The following VDAC2 variants were observed in gnomAD, a reference collection of about 807,000 sequenced individuals.
VDAC2 encodes the protein voltage dependent anion channel 2, also known as non-selective voltage-gated ion channel VDAC2.
A neutral mutation model predicts 36.6 loss-of-function variants in VDAC2; 6 were observed. The observed-to-expected ratio is 0.16, with a 90% CI of 0.09 to 0.32. The LOEUF (loss-of-function observed/expected upper bound fraction) is 0.32, where lower values mean the gene tolerates loss of function less well. Ranked by LOEUF, VDAC2 falls within the 10% of genes least tolerant of loss-of-function variation. The pLI, the probability that VDAC2 is intolerant of heterozygous loss-of-function variation, is 1.00. For missense variants in VDAC2, 247 were observed against 346.0 expected (o/e 0.71, Z 2.27); for synonymous variants, 109 against 123.8 (o/e 0.88, Z 0.79).
intron 2 of VDAC2, chr10:75,211,733 C>T: frequency 1.3e-6 from 2 of 1,515,016 alleles, no homozygotes; most frequent in Non-Finnish European, 1.8e-6. Context: ...GTATTTTTTC[C>T]AAGTTTCAAT....
Position 75,219,353 on chromosome 10 carries a change from CAG to C in VDAC2, c.354_355del (p.Gly119LysfsTer5). 6.3e-7 allele frequency: 1 copy of C among 1,596,822 alleles called. No individual in the cohort carries two copies. The highest frequency in any genetic ancestry group is 8.5e-7 in the Non-Finnish European group (1 of 1,171,072). On this transcript the variant is annotated frameshift_variant and splice_region_variant, in exon 6 of 10. Coordinates refer to ENST00000332211, the MANE Select transcript of VDAC2 (RefSeq NM_001391963.1). LOFTEE classifies it high-confidence loss of function. Reference sequence around the variant, plus strand: ...TTTGATACTACCTTCTCACCAAACACAGGGTAAGCACAGACATTTTTATCTGT... The same window carrying C: ...TTTGATACTACCTTCTCACCAAACACGGTAAGCACAGACATTTTTATCTGT...
In VDAC2 at chr10:75,219,089, T is replaced by A. The variant is rs984409912; in HGVS notation, c.177T>A (p.Asn59Lys). Residue 59 changes from asparagine (N) to lysine (K), a missense_variant, in exon 5 of 10, where the codon AAT becomes AAA. Transcript: ENST00000332211. ...GVEFSTSGSSNTDTGKVTGTL... is the reference protein window; with the variant it reads ...GVEFSTSGSSKTDTGKVTGTL... ...AATTTTCAACGTCCGGTTCATCTAA[T>A]ACAGACACTGGTAAAGTTACTGGGA... The A allele has an allele frequency of 6.2e-7, 1 of 1,610,466 alleles. No individual in the cohort carries two copies. Among genetic ancestry groups the A allele is most frequent in the African/African-American group, 1.3e-5 (1 of 74,756 alleles).
At chr10:75,224,472 A>G (rs1198757581) in intron 8 of VDAC2, among the ~76,000 whole-genome samples, 1 of 151,700 alleles carries the variant, frequency 6.6e-6, no homozygotes, top group Non-Finnish European at 1.5e-5. Flanking sequence ...GGAACTTTTG[A>G]CTCCTGGGTG....
chr10:75,228,704 G>A (rs568175669), intron 8 of VDAC2, among the ~76,000 whole-genome samples: 1 of 152,340 alleles, frequency 6.6e-6, no homozygotes, highest in South Asian at 2.1e-4. Context: ...CATTATAAGA[G>A]TATAGACATC....
Position 75,210,952 on chromosome 10 carries a change from C to G in VDAC2, c.-26+14C>G, listed in dbSNP as rs567894799. On this transcript the variant is annotated intron_variant, in intron 1 of 9. Coordinates refer to ENST00000332211, the MANE Select transcript of VDAC2 (RefSeq NM_001391963.1). ...GGACACCACCAGGTACCGCCGCGCC[C>G]GCCTCACGCCGACCCAGGGGCCTAG... is the stretch of plus-strand genomic sequence containing the variant. 6.5e-6 allele frequency: 3 copies of G among 461,894 alleles called. No homozygotes were observed. The East Asian group carries it at 1.1e-4, about 17-fold the overall frequency. The allele number at this position is 461,894 out of a possible 1,614,324, so 28.6% of individuals were successfully genotyped here.
chr10:75,226,451 GT>G (rs147954706), intron 8 of VDAC2, among the ~76,000 whole-genome samples: 26,581 of 100,828 alleles, frequency 0.26, 3,442 homozygotes, highest in East Asian at 0.54. Flanking sequence ...TCTTTTGTGG[GT>G]TTTTTTTTTT....
chr10:75,211,008 G>A (rs1841396347), intron 1 of VDAC2, 70 bp downstream of exon 1: 2 of 883,380 alleles, frequency 2.3e-6, no homozygotes, highest in Non-Finnish European at 1.6e-6. Flanking sequence ...GGCCCGCGCC[G>A]GACTCGGAGT....
At chr10:75,213,967 G>T in intron 3 of VDAC2, 54 bp from the exon 4 acceptor site, 1 of 1,564,970 alleles carries the variant, frequency 6.4e-7, no homozygotes, top group South Asian at 1.1e-5. Context: ...CAATTGCTAT[G>T]CATCTTTCAT....
At chr10:75,219,784 C>CTT (rs568009672) in intron 6 of VDAC2, among the ~76,000 whole-genome samples, 29 of 138,884 alleles carry the variant, frequency 2.1e-4, no homozygotes, top group African/African-American at 3.1e-4. Flanking sequence ...CACGCCCAGC[C>CTT]TTTTTTTTTT....
At chr10:75,215,076 A>G (rs752258477) in intron 4 of VDAC2, among the ~76,000 whole-genome samples, 6 of 151,420 alleles carry the variant, frequency 4.0e-5, no homozygotes, top group Non-Finnish European at 8.8e-5. Flanking sequence ...ATCATGCCTG[A>G]GTATTTTTTG....
chr10:75,211,671 G>A, intron 2 of VDAC2: 1 of 1,550,526 alleles, frequency 6.4e-7, no homozygotes, highest in Non-Finnish European at 8.7e-7. Flanking sequence ...TAAGTTTGAA[G>A]CGCTATTTGA....
intron 5 of VDAC2, 32 bp from the exon 6 acceptor site, chr10:75,219,272 A>G: frequency 6.4e-7 from 1 of 1,569,444 alleles, no homozygotes; most frequent in Non-Finnish European, 8.6e-7. Flanking sequence ...TATTTCAAAA[A>G]AAGAAAACAA....
intron 8 of VDAC2, among the ~76,000 whole-genome samples, chr10:75,229,108 G>A (rs1473464857): frequency 3.9e-5 from 6 of 151,990 alleles, no homozygotes; most frequent in African/African-American, 1.2e-4. Flanking sequence ...AAGAATGTGA[G>A]GATAAAGGAT....
chr10:75,229,685 TCA>T lies in VDAC2; in HGVS notation c.778_779del (p.Gln260AspfsTer20). The T allele has an allele frequency of 6.2e-7, 1 of 1,605,250 alleles. No individual in the cohort carries two copies. Among genetic ancestry groups the T allele is most frequent in the Non-Finnish European group, 8.5e-7 (1 of 1,177,454 alleles). On this transcript the variant is annotated frameshift_variant, in exon 9 of 10. Transcript: ENST00000332211. LOFTEE classifies it high-confidence loss of function. ...NSSLIGVGYTQTLRPGVKLTL... is the reference protein window; with the variant it reads ...NSSLIGVGYTXTLRPGVKLTL... ...CTAGCTTAATTGGAGTAGGCTATAC[TCA>T]GACTCTGAGGCCTGGTAAGTATTCT...
intron 8 of VDAC2, among the ~76,000 whole-genome samples, chr10:75,226,451 GTTTTT>G (rs147954706): frequency 5.0e-5 from 5 of 100,892 alleles, no homozygotes; most frequent in African/African-American, 7.9e-5. Context: ...TCTTTTGTGG[GTTTTT>G]TTTTTTTTTT....
chr10:75,227,567 A>T (rs944146558), intron 8 of VDAC2, among the ~76,000 whole-genome samples: 3 of 142,688 alleles, frequency 2.1e-5, no homozygotes, highest in African/African-American at 8.5e-5. Context: ...CTTACTGTTA[A>T]ATAATAGGAA....
intron 4 of VDAC2, among the ~76,000 whole-genome samples, chr10:75,214,877 C>A (rs1034088693): frequency 1.3e-5 from 2 of 151,744 alleles, no homozygotes; most frequent in African/African-American, 4.8e-5. Context: ...CTTGATAGTT[C>A]AATGAACTGT....
chr10:75,227,096 T>C (rs1194483030), intron 8 of VDAC2, among the ~76,000 whole-genome samples: 1 of 152,210 alleles, frequency 6.6e-6, no homozygotes, highest in Non-Finnish European at 1.5e-5. Context: ...GCTCCTGTGC[T>C]TGGGACCCTT....
chr10:75,215,857 G>T (rs1163332446), intron 4 of VDAC2, among the ~76,000 whole-genome samples: 1 of 152,088 alleles, frequency 6.6e-6, no homozygotes. Context: ...AAGTAGCTGG[G>T]ATTACAGGTG....
Sources: gnomAD v4.1 joint callset for allele counts (sites outside exome capture counted in the v4.1 genomes callset) on GRCh38, gnomAD v4.1.1 for gene constraint, MANE v1.5 for transcripts, NCBI Gene and HGNC (gene_info 2026-07-23, HGNC 2026-07-21) for gene names.